The following HAP1 variants were observed in gnomAD, a reference collection of about 807,000 sequenced individuals.
HAP1 encodes huntingtin-associated protein 1.
A neutral mutation model predicts 60.3 loss-of-function variants in HAP1; 59 were observed. The ratio of observed to expected loss-of-function variants is 0.98; its 90% CI spans 0.79 to 1.22. The LOEUF (loss-of-function observed/expected upper bound fraction) is 1.22. HAP1 is among the 50% of genes most tolerant of loss of function. The probability of loss-of-function intolerance (pLI) is 0.00; values close to 1 mark genes in which losing one functional copy is unlikely to be tolerated. For missense variants in HAP1, 825 were observed against 785.3 expected, an observed-to-expected ratio of 1.05 and a Z score of -0.60; for synonymous variants, 346 against 330.6, an observed-to-expected ratio of 1.05 and a Z score of -0.50.
At position 41,724,782 on chromosome 17, in the gene HAP1, C is replaced by G. The variant is rs1181806720; in HGVS notation, c.1779G>C (p.Trp593Cys). 16 of 1,611,312 alleles carry G rather than the reference C, an allele frequency of 9.9e-6. No homozygotes were observed. Among genetic ancestry groups the G allele is most frequent in the Non-Finnish European group, 1.3e-5 (15 of 1,178,536 alleles). Residue 593 changes from tryptophan (W) to cysteine (C), a missense_variant, in exon 11 of 11, where the codon TGG becomes TGC. Coordinates refer to ENST00000347901, the MANE Select transcript of HAP1 (RefSeq NM_177977.3). ...GGCACTCACCTTTCTGGAGCATCTT[C>G]CACCTCAGCTGCCGCCTGTAATGGG... ...QDAHYRRQLR[W>C]KMLQKGECPH...
intron 6 of HAP1, among the ~76,000 whole-genome samples, chr17:41,731,146 G>A (rs192762976): frequency 9.9e-4 from 151 of 152,234 alleles, no homozygotes; most frequent in Non-Finnish European, 1.6e-3. Context: ...CCTGACCTCA[G>A]GTGATCCGCC....
In HAP1 at chr17:41,734,387, G is replaced by A. The variant is rs1258227902; in HGVS notation, c.248C>T (p.Pro83Leu). ...EAGAKAGARR[P>L]SAFSAIQGDV... ...CCCTTGGATGGCCGAGAATGCGGACGGGCGCCGGGCTCCTGCCTTGGCTCC... is the reference window on the plus strand; with the variant it reads ...CCCTTGGATGGCCGAGAATGCGGACAGGCGCCGGGCTCCTGCCTTGGCTCC... The change falls in exon 1 of 11, where the codon CCG becomes CTG. Residue 83 changes from proline to leucine, a missense_variant. Pro to Leu is a moderately conservative substitution (Grantham distance 98). Coordinates refer to ENST00000347901, the MANE Select transcript of HAP1 (RefSeq NM_177977.3). 2.5e-6 allele frequency: 4 copies of A among 1,605,062 alleles called. No homozygotes were observed. Among genetic ancestry groups the A allele is most frequent in the South Asian group, 1.1e-5 (1 of 90,918 alleles).
chr17:41,724,683 C>G lies in HAP1; in HGVS notation c.*18G>C, dbSNP rs930481335. 1 of 1,568,006 alleles carries G rather than the reference C, an allele frequency of 6.4e-7. No homozygotes were observed. The highest frequency in any genetic ancestry group is 2.3e-5 in the East Asian group (1 of 44,250). On this transcript the variant is annotated 3_prime_UTR_variant, in exon 11 of 11. Transcript: ENST00000347901. ...CTGGGGCAGGTGAGCACTCGGGGAG[C>G]TTATCCACCCTCTCTTTTCATCGGC...
rs1912308021 is a variant in HAP1 at position 41,732,606 on chromosome 17, G to C, written c.549+113C>G. On this transcript the variant is annotated intron_variant, in intron 2 of 10. Coordinates refer to ENST00000347901, the MANE Select transcript of HAP1 (RefSeq NM_177977.3). ...ACATCGACCTGTCTTCCATAAGAAG[G>C]ACCCTAACCTGGGGCCCCAGAGAGA... is the stretch of plus-strand genomic sequence containing the variant. 44 of 1,029,316 alleles carry C rather than the reference G, an allele frequency of 4.3e-5. No individual in the cohort carries two copies. In the South Asian group the frequency reaches 5.4e-4, roughly 13 times the overall value. 63.8% of individuals were successfully genotyped at this position (1,029,316 alleles called of 1,614,324 possible). A position where few individuals can be genotyped will look rare whatever the true frequency, so the allele number is the denominator to read the frequency against.
Position 41,724,928 on chromosome 17 carries a change from G to T in HAP1, c.1633C>A (p.Leu545Met). 2 of 1,613,284 alleles carry T rather than the reference G, an allele frequency of 1.2e-6. No individual in the cohort carries two copies. The highest frequency in any genetic ancestry group is 1.7e-6 in the Non-Finnish European group (2 of 1,179,968). ...EETEGWEEVELELDEATRMNV... is the reference protein window; with the variant it reads ...EETEGWEEVEMELDEATRMNV... ...ATCCGCGTTGCCTCATCCAGCTCCA[G>T]TTCCACCTCCTCCCAGCCCTCGGTC... is the stretch of plus-strand genomic sequence containing the variant. The change falls in exon 11 of 11, where the codon CTG becomes ATG. Residue 545 changes from leucine to methionine, a missense_variant. By Grantham distance (15) the Leu-to-Met change is conservative. Coordinates refer to ENST00000347901, the MANE Select transcript of HAP1 (RefSeq NM_177977.3).
chr17:41,718,668 C>G (rs1291883636), downstream of HAP1, among the ~76,000 whole-genome samples: 1 of 152,226 alleles, frequency 6.6e-6, no homozygotes, highest in Non-Finnish European at 1.5e-5. Context: ...GCACTGGTGC[C>G]ACTCCAGGCT....
intron 8 of HAP1, chr17:41,727,468 G>GCA (rs1331589246): frequency 3.9e-6 from 3 of 776,696 alleles, no homozygotes; most frequent in Non-Finnish European, 7.2e-6. Context: ...TGGGACCCAG[G>GCA]CACACCCAGT....
At chr17:41,725,748 G>T in intron 10 of HAP1, 111 bp downstream of exon 10, 1 of 828,186 alleles carries the variant, frequency 1.2e-6, no homozygotes, top group Non-Finnish European at 2.1e-6. Context: ...TCAGCCAGCC[G>T]AGATAGCAGG....
rs782713777 is a variant in HAP1 at position 41,724,472 on chromosome 17, G to T, written c.*229C>A. The T allele has an allele frequency of 3.6e-6, 2 of 553,170 alleles. No individual in the cohort carries two copies. The highest frequency in any genetic ancestry group is 3.2e-6 in the Non-Finnish European group (1 of 310,354). 34.3% of individuals were successfully genotyped at this position (553,170 alleles called of 1,614,324 possible). On this transcript the variant is annotated 3_prime_UTR_variant, in exon 11 of 11. Transcript: ENST00000347901. ...GAGATGGGAAGCTGAGGCGCAGTGT[G>T]GGGGCACAGTCCCAGCCCTAACCCC...
chr17:41,725,715 T>G, intron 10 of HAP1, 144 bp downstream of exon 10: 3 of 698,080 alleles, frequency 4.3e-6, no homozygotes. Context: ...GTGGGGCAGC[T>G]CCTTCCCAGA....
chr17:41,725,419 C>T (rs1292853505), intron 10 of HAP1, among the ~76,000 whole-genome samples: 1 of 152,176 alleles, frequency 6.6e-6, no homozygotes, highest in Non-Finnish European at 1.5e-5. Context: ...AGGGTTAACA[C>T]CCACTTCTGC....
At position 41,724,828 on chromosome 17, in the gene HAP1, T is replaced by A. The variant is rs1348942722; in HGVS notation, c.1733A>T (p.Gln578Leu). Residue 578 changes from glutamine (Q) to leucine (L), a missense_variant, in exon 11 of 11, where the codon CAG (glutamine) becomes CTG (leucine). Physicochemically the swap from Gln to Leu is moderately radical, Grantham distance 113. Transcript: ENST00000347901. ...SHLDMNYVLQ[Q>L]LANWQDAHYR... Reference sequence around the variant, plus strand: ...ATGGGCATCTTGCCAGTTGGCCAGCTGCTGGAGGACATAATTCATGTCCAG... The same window carrying A: ...ATGGGCATCTTGCCAGTTGGCCAGCAGCTGGAGGACATAATTCATGTCCAG... 2 of 1,613,298 alleles carry A rather than the reference T, an allele frequency of 1.2e-6. No individual in the cohort carries two copies. The highest frequency in any genetic ancestry group is 1.1e-5 in the South Asian group (1 of 91,088).
At chr17:41,726,827 C>G (rs1444024403) in intron 9 of HAP1, among the ~76,000 whole-genome samples, 4 of 151,496 alleles carry the variant, frequency 2.6e-5, no homozygotes, top group African/African-American at 9.7e-5. Flanking sequence ...CATACCATTG[C>G]ACTCCAGCTT....
At chr17:41,729,634 G>A (rs1911983878) in intron 6 of HAP1, among the ~76,000 whole-genome samples, 1 of 147,510 alleles carries the variant, frequency 6.8e-6, no homozygotes, top group East Asian at 2.0e-4. Flanking sequence ...CTAGCACTGC[G>A]GGAGGCCAAG....
At chr17:41,727,545 T>C (rs1291736357) in intron 8 of HAP1, 6 of 704,072 alleles carry the variant, frequency 8.5e-6, no homozygotes, top group Non-Finnish European at 1.6e-5. Context: ...CCAAGTGTCA[T>C]GTGGGGGACC....
Position 41,724,767 on chromosome 17 carries a change from T to A in HAP1, c.1794A>T (p.Lys598Asn), listed in dbSNP as rs144780882. ...RRQLRWKMLQ[K>N]GECPHGALPA... ...GGAGGGCCCCGTGGGGGCACTCACCTTTCTGGAGCATCTTCCACCTCAGCT... is the reference window on the plus strand; with the variant it reads ...GGAGGGCCCCGTGGGGGCACTCACCATTCTGGAGCATCTTCCACCTCAGCT... Residue 598 changes from lysine to asparagine, a missense_variant, in exon 11 of 11, where the codon AAA becomes AAT. Physicochemically the swap from Lys to Asn is moderately conservative, Grantham distance 94. Coordinates refer to ENST00000347901, the MANE Select transcript of HAP1 (RefSeq NM_177977.3). 9.3e-6 allele frequency: 15 copies of A among 1,609,530 alleles called. No homozygotes were observed. In the African/African-American group the frequency reaches 1.9e-4, roughly 20 times the overall value.
At chr17:41,718,892 C>T (rs1232659934), downstream of HAP1, among the ~76,000 whole-genome samples, 1 of 151,736 alleles carries the variant, frequency 6.6e-6, no homozygotes, top group Non-Finnish European at 1.5e-5. Context: ...ATGCTCTGAA[C>T]ACAAGAGTAC....
chr17:41,732,913 C>A, intron 1 of HAP1, 115 bp from the exon 2 acceptor site: 1 of 709,304 alleles, frequency 1.4e-6, no homozygotes, highest in South Asian at 1.5e-5. Flanking sequence ...CAAGGGTCAT[C>A]GGGAGAGAAG....
intron 5 of HAP1, 30 bp from the exon 6 acceptor site, chr17:41,731,589 G>A: frequency 6.2e-7 from 1 of 1,603,402 alleles, no homozygotes; most frequent in South Asian, 1.1e-5. Context: ...AAGGGACAGG[G>A]AAGTCAACAC....
Sources: gnomAD v4.1 joint callset for allele counts (sites outside exome capture counted in the v4.1 genomes callset) on GRCh38, gnomAD v4.1.1 for gene constraint, MANE v1.5 for transcripts, NCBI Gene and HGNC (gene_info 2026-07-23, HGNC 2026-07-21) for gene names.